Variants in EFCAB6 observed in about 807,000 individuals in gnomAD.
The protein encoded by EFCAB6 is EF-hand calcium binding domain 6.
A neutral mutation model predicts 169.8 loss-of-function variants in EFCAB6; 156 were observed. The ratio of observed to expected loss-of-function variants is 0.92; its 90% CI spans 0.81 to 1.05. The LOEUF is 1.05. EFCAB6 is among the 50% of genes least tolerant of loss of function. EFCAB6 has a pLI of 0.00. For missense variants in EFCAB6, 1,800 were observed against 1,829.1 expected (o/e 0.98, Z 0.29); for synonymous variants, 698 against 676.4 (o/e 1.03, Z -0.50).
At chr22:43,573,471 G>GC (rs137710) in intron 26 of EFCAB6, among the ~76,000 whole-genome samples, 152,282 of 152,282 alleles carry the variant, frequency 1, 76,141 homozygotes, top group Non-Finnish European at 1. Context: ...GGTGGCTTAT[G>GC]CTGTAATCCC....
chr22:43,710,282 G>A (rs1003878409), intron 10 of EFCAB6, among the ~76,000 whole-genome samples: 2 of 152,200 alleles, frequency 1.3e-5, no homozygotes, highest in East Asian at 3.9e-4. Context: ...ACAAAGCAAG[G>A]AAGCTGTCAA....
At chr22:43,767,791 A>G (rs2061360769) in intron 4 of EFCAB6, among the ~76,000 whole-genome samples, 3 of 144,764 alleles carry the variant, frequency 2.1e-5, no homozygotes, top group Admixed American at 7.1e-5. Flanking sequence ...AGTCTAACAC[A>G]AATTCTAATG....
chr22:43,711,580 C>T lies in EFCAB6; in HGVS notation c.926G>A (p.Gly309Glu). Residue 309 changes from glycine (G) to glutamate (E), a missense_variant, in exon 10 of 32, where the codon GGG becomes GAG. Gly to Glu is a moderately conservative substitution (Grantham distance 98). Transcript: ENST00000262726. ...CACGTAGCCACCTTTACAGGGGTCC[C>T]CTGCACTGAGGGCCTTTTCAACCTT... is the stretch of plus-strand genomic sequence containing the variant. ...YEKVEKALSA[G>E]DPCKGGYVSF... 6.3e-7 allele frequency: 1 copy of T among 1,597,456 alleles called. No individual in the cohort carries two copies. Among genetic ancestry groups the T allele is most frequent in the Non-Finnish European group, 8.5e-7 (1 of 1,176,040 alleles).
At chr22:43,549,490 AT>A in intron 27 of EFCAB6, among the ~76,000 whole-genome samples, 1 of 152,330 alleles carries the variant, frequency 6.6e-6, no homozygotes, top group South Asian at 2.1e-4. Context: ...AACTGACAAA[AT>A]GAAGATAGCC....
intron 26 of EFCAB6, among the ~76,000 whole-genome samples, chr22:43,564,555 G>T (rs2147152339): frequency 6.6e-6 from 1 of 152,252 alleles, no homozygotes; most frequent in African/African-American, 2.4e-5. Context: ...GGCGGGGAAA[G>T]CTCTAAGGGA....
intron 13 of EFCAB6, among the ~76,000 whole-genome samples, chr22:43,676,446 T>C (rs2057766409): frequency 6.7e-6 from 1 of 150,260 alleles, no homozygotes; most frequent in African/African-American, 2.4e-5. Context: ...AAGAATGAGT[T>C]CAACCATGTA....
rs142350726 is a variant in EFCAB6 at position 43,551,828 on chromosome 22, CT to C, written c.3648+3040del. On this transcript the variant is annotated intron_variant, in intron 27 of 31. Transcript: ENST00000262726. ...CTAACTCCATCCATGTCCCTTGTTC[CT>C]TTTTTTTTTTTTTTTTGAGACAGAG... 465 of 136,696 alleles carry C rather than the reference CT, an allele frequency of 3.4e-3. 1 individual carries two copies. The highest frequency in any genetic ancestry group is 3.3e-3 in the African/African-American group (122 of 37,418). 8.5% of individuals were successfully genotyped at this position (136,696 alleles called of 1,614,324 possible). A position where few individuals can be genotyped will look rare whatever the true frequency, so the allele number is the denominator to read the frequency against.
At chr22:43,594,574 G>T (rs2051850732) in intron 23 of EFCAB6, among the ~76,000 whole-genome samples, 1 of 152,120 alleles carries the variant, frequency 6.6e-6, no homozygotes, top group Non-Finnish European at 1.5e-5. Flanking sequence ...AATCAACTCA[G>T]CAACAGGATA....
rs61585162 is a variant in EFCAB6, at chr22:43,787,352, GCACACACACA to G, written c.-7-5037_-7-5028del. ...GGCAGACAGACAGATACACACATATGCACACACACACACACACACACACACACACACAATT... is the reference window on the plus strand; with the variant it reads ...GGCAGACAGACAGATACACACATATGCACACACACACACACACACACAATT... On this transcript the variant is annotated intron_variant, in intron 2 of 31. Transcript: ENST00000262726. Among the ~76,000 whole-genome samples the G allele has an allele frequency of 1.4e-4, 21 of 146,868 alleles. No homozygotes were observed. The South Asian group carries it at 1.7e-3, about 12-fold the overall frequency.
intron 26 of EFCAB6, among the ~76,000 whole-genome samples, chr22:43,561,081 G>A (rs1054065426): frequency 1.7e-4 from 26 of 152,186 alleles, no homozygotes; most frequent in African/African-American, 6.0e-4. Flanking sequence ...ACTACAGGCT[G>A]GGTGCAGTGG....
intron 3 of EFCAB6, 48 bp downstream of exon 3, chr22:43,782,132 A>G (rs1196070449): frequency 8.9e-6 from 14 of 1,566,100 alleles, no homozygotes; most frequent in East Asian, 2.2e-5. Flanking sequence ...TTAAATACAT[A>G]TAAGTGATAT....
At position 43,537,626 on chromosome 22, in the gene EFCAB6, T is replaced by A; in HGVS notation, c.3880-81A>T. ...TCAAAAATACCTCAATACCTCCAGT[T>A]TTGAGGTTCACAATTTTAGAGGCAG... On this transcript the variant is annotated intron_variant, in intron 28 of 31. Coordinates refer to ENST00000262726, the MANE Select transcript of EFCAB6 (RefSeq NM_022785.4). This position sits in a 1 kb window ranked among gnomAD's most constrained non-coding sequence, Gnocchi z 4.3. The A allele has an allele frequency of 6.9e-7, 1 of 1,447,494 alleles. No homozygotes were observed. Among genetic ancestry groups the A allele is most frequent in the Non-Finnish European group, 9.2e-7 (1 of 1,084,920 alleles). 89.7% of individuals were successfully genotyped at this position (1,447,494 alleles called of 1,614,324 possible). A position where few individuals can be genotyped will look rare whatever the true frequency, so the allele number is the denominator to read the frequency against.
At chr22:43,660,575 AT>A (rs1036674409) in intron 17 of EFCAB6, among the ~76,000 whole-genome samples, 6 of 151,288 alleles carry the variant, frequency 4.0e-5, no homozygotes, top group African/African-American at 1.5e-4. Flanking sequence ...TTATATATAT[AT>A]TTTTTCCAAC....
chr22:43,682,398 G>A (rs1251656434), intron 12 of EFCAB6, among the ~76,000 whole-genome samples: 1 of 152,194 alleles, frequency 6.6e-6, no homozygotes, highest in Non-Finnish European at 1.5e-5. Flanking sequence ...CTTTTAAACA[G>A]TCTAATAGTT....
At chr22:43,547,210 C>T (rs530852782) in intron 27 of EFCAB6, among the ~76,000 whole-genome samples, 31 of 152,200 alleles carry the variant, frequency 2.0e-4, no homozygotes, top group Non-Finnish European at 4.0e-4. Flanking sequence ...TGCCCTGTAG[C>T]GCTCATGAGG....
rs1258998861 is a variant in EFCAB6 at position 43,628,532 on chromosome 22, T to A, written c.2233-1853A>T. ...CATGAGGCGCCTCTGCTCAACCCCC[T>A]TGACTCTCCTTCTCACTCAGAGTCC... On this transcript the variant is annotated intron_variant, in intron 19 of 31. Coordinates refer to ENST00000262726, the MANE Select transcript of EFCAB6 (RefSeq NM_022785.4). This position sits in a 1 kb window ranked among gnomAD's most constrained non-coding sequence, Gnocchi z 4.8. 6.6e-6 allele frequency among the ~76,000 whole-genome samples: 1 copy of A among 152,102 alleles called. No homozygotes were observed. Among genetic ancestry groups the A allele is most frequent in the Non-Finnish European group, 1.5e-5 (1 of 68,010 alleles).
intron 8 of EFCAB6, among the ~76,000 whole-genome samples, chr22:43,720,187 A>G (rs1288989101): frequency 6.6e-6 from 1 of 152,018 alleles, no homozygotes; most frequent in Non-Finnish European, 1.5e-5. Flanking sequence ...AAATCATTTC[A>G]GAAATGAAGA....
intron 30 of EFCAB6, 151 bp from the exon 31 acceptor site, chr22:43,531,115 C>A: frequency 1.9e-6 from 2 of 1,050,390 alleles, no homozygotes; most frequent in South Asian, 3.1e-5. Context: ...AGGGAGCCTG[C>A]CAGAACTCGT....
chr22:43,754,825 C>CATATACCCCTA (rs2147855844), intron 6 of EFCAB6, among the ~76,000 whole-genome samples: 1 of 152,286 alleles, frequency 6.6e-6, no homozygotes, highest in African/African-American at 2.4e-5. Context: ...AGTAAGAAGA[C>CATATACCCCTA]ATATACCCCT....
Sources: allele counts gnomAD v4.1 joint callset (sites outside exome capture counted in the v4.1 genomes callset), GRCh38; gene constraint gnomAD v4.1.1; non-coding constraint Gnocchi (gnomAD v3.1); transcripts MANE v1.5; gene names NCBI Gene and HGNC (gene_info 2026-07-23, HGNC 2026-07-21).